MAP3K3: variants seen among roughly 807,000 people sequenced by gnomAD.
MAP3K3 encodes MAP/ERK kinase kinase 3.
Under a neutral mutation model 80.9 loss-of-function variants are expected in MAP3K3, and 12 were observed. The ratio of observed to expected loss-of-function variants is 0.15; its 90% CI spans 0.10 to 0.24. The LOEUF (loss-of-function observed/expected upper bound fraction) is 0.24, where lower values mean the gene tolerates loss of function less well. MAP3K3 is among the 10% of genes least tolerant of loss of function. The pLI is 1.00. For missense variants in MAP3K3, 596 were observed against 834.7 expected, an observed-to-expected ratio of 0.71 and a Z score of 3.52; for synonymous variants, 272 against 307.1, an observed-to-expected ratio of 0.89 and a Z score of 1.19.
chr17:63,643,693 T>G (rs1260703085), intron 2 of MAP3K3, among the ~76,000 whole-genome samples: 1 of 152,098 alleles, frequency 6.6e-6, no homozygotes, highest in Non-Finnish European at 1.5e-5. Context: ...GGTAAAAGGA[T>G]GTATAACCCT....
At chr17:63,641,794 A>T (rs1287095480) in intron 2 of MAP3K3, among the ~76,000 whole-genome samples, 2 of 152,112 alleles carry the variant, frequency 1.3e-5, no homozygotes, top group African/African-American at 4.8e-5. Flanking sequence ...AGCAGGAGAA[A>T]GCCAGAAGTC....
In MAP3K3 at chr17:63,695,954, C is replaced by T. The variant is rs1390299400; in HGVS notation, c.*2177C>T. 5 of 152,592 alleles carry T rather than the reference C, an allele frequency of 3.3e-5. No individual in the cohort carries two copies. In the South Asian group the frequency reaches 6.2e-4, roughly 19 times the overall value. 9.5% of individuals were successfully genotyped at this position (152,592 alleles called of 1,614,324 possible). Reference sequence around the variant, plus strand: ...CTAATCCAGATAAAAAGTTGTGGGGCTTCAGGGTGACCTGGGCCCAAAGGT... The same window carrying T: ...CTAATCCAGATAAAAAGTTGTGGGGTTTCAGGGTGACCTGGGCCCAAAGGT... On this transcript the variant is annotated 3_prime_UTR_variant, in exon 16 of 16. Transcript: ENST00000361733. This position sits in a 1 kb window ranked among gnomAD's most constrained non-coding sequence, Gnocchi z 4.1.
intron 12 of MAP3K3, 88 bp downstream of exon 12, chr17:63,690,500 T>A: frequency 7.1e-7 from 1 of 1,413,932 alleles, no homozygotes; most frequent in African/African-American, 1.4e-5. Flanking sequence ...TGAGATGCTG[T>A]AGGTTGCTTC....
At chr17:63,655,911 T>C (rs769069033) in intron 4 of MAP3K3, among the ~76,000 whole-genome samples, 5 of 152,108 alleles carry the variant, frequency 3.3e-5, no homozygotes, top group Non-Finnish European at 5.9e-5. Context: ...ATTCCATAAG[T>C]AGTTTTGAGA....
At chr17:63,642,150 G>A (rs1401585958) in intron 2 of MAP3K3, among the ~76,000 whole-genome samples, 4 of 152,224 alleles carry the variant, frequency 2.6e-5, no homozygotes, top group African/African-American at 9.6e-5. Context: ...GGCTGTCATG[G>A]CATCAAAGAA....
At chr17:63,685,823 A>C (rs1022186148) in intron 8 of MAP3K3, among the ~76,000 whole-genome samples, 6 of 152,230 alleles carry the variant, frequency 3.9e-5, no homozygotes, top group African/African-American at 1.4e-4. Context: ...TGTTGTTCTA[A>C]GTGCTTTACA....
At chr17:63,680,336 G>A (rs1292309040) in intron 6 of MAP3K3, among the ~76,000 whole-genome samples, 4 of 152,146 alleles carry the variant, frequency 2.6e-5, no homozygotes, top group Admixed American at 1.3e-4. Flanking sequence ...CTAAACAACA[G>A]GATAAATTTG....
At chr17:63,630,782 A>G (rs1598059541) in intron 1 of MAP3K3, among the ~76,000 whole-genome samples, 2 of 152,196 alleles carry the variant, frequency 1.3e-5, no homozygotes, top group African/African-American at 4.8e-5. Flanking sequence ...TATTACAGCT[A>G]TGTCACTCTC....
intron 5 of MAP3K3, among the ~76,000 whole-genome samples, chr17:63,664,583 T>A (rs1418159591): frequency 6.6e-6 from 1 of 152,218 alleles, no homozygotes; most frequent in African/African-American, 2.4e-5. Context: ...TGATCTCCTA[T>A]CTTCCAGTCA....
intron 6 of MAP3K3, among the ~76,000 whole-genome samples, chr17:63,677,863 T>G (rs2035250213): frequency 6.6e-6 from 1 of 152,194 alleles, no homozygotes; most frequent in Admixed American, 6.5e-5. Flanking sequence ...CATGGCACTG[T>G]GCTTCCCCTG....
chr17:63,636,587 GTGCTGGCCTGTGGCTGAACA>G lies in MAP3K3; in HGVS notation c.126+3792_126+3811del, dbSNP rs2034328636. On this transcript the variant is annotated intron_variant, in intron 2 of 15. Coordinates refer to ENST00000361733, the MANE Select transcript of MAP3K3 (RefSeq NM_002401.5). ...CTGACAACTTAGTATAGTGAAAAGA[GTGCTGGCCTGTGGCTGAACA>G]TGCTGGAGAAGAGCTTGCCTGGCCA... 5 of 173,464 alleles carry G rather than the reference GTGCTGGCCTGTGGCTGAACA, an allele frequency of 2.9e-5. No individual in the cohort carries two copies. The Admixed American group carries it at 3.2e-4, about 11-fold the overall frequency. The allele number at this position is 173,464 out of a possible 1,614,324, so 10.7% of individuals were successfully genotyped here. A position where few individuals can be genotyped will look rare whatever the true frequency, so the allele number is the denominator to read the frequency against.
chr17:63,634,734 C>A (rs773951930), intron 2 of MAP3K3: 85 of 1,613,680 alleles, frequency 5.3e-5, no homozygotes, highest in Non-Finnish European at 7.1e-5. Context: ...AGCAGCTCAG[C>A]CCTTCTGAAC....
rs1170474064 is a variant in MAP3K3 at position 63,648,999 on chromosome 17, C to CT, written c.167+2926dup. On this transcript the variant is annotated intron_variant, in intron 3 of 15. Coordinates refer to ENST00000361733, the MANE Select transcript of MAP3K3 (RefSeq NM_002401.5). ...ATAGATTATGGTTTATATTAATAGTCTATCAATGTTGCCCTGTAGAACTTT... is the reference window on the plus strand; with the variant it reads ...ATAGATTATGGTTTATATTAATAGTCTTATCAATGTTGCCCTGTAGAACTTT... 5.3e-5 allele frequency among the ~76,000 whole-genome samples: 8 copies of CT among 152,320 alleles called. 1 individual carries two copies. The East Asian group carries it at 1.2e-3, about 22-fold the overall frequency.
intron 5 of MAP3K3, among the ~76,000 whole-genome samples, chr17:63,658,482 C>T (rs1441681200): frequency 3.3e-5 from 5 of 152,188 alleles, no homozygotes; most frequent in Admixed American, 6.5e-5. Flanking sequence ...ACAGTTTCCT[C>T]TCCTGAAGGA....
chr17:63,632,554 G>A, intron 1 of MAP3K3, 127 bp from the exon 2 acceptor site: 1 of 1,043,000 alleles, frequency 9.6e-7, no homozygotes, highest in Non-Finnish European at 1.4e-6. Context: ...GGCTGCATCT[G>A]ATTATAGTTA....
chr17:63,653,450 A>T (rs1055267894), intron 4 of MAP3K3, among the ~76,000 whole-genome samples: 13 of 152,076 alleles, frequency 8.5e-5, no homozygotes, highest in Non-Finnish European at 1.3e-4. Context: ...AGGAGTTAAA[A>T]TTTTTCTTTT....
At chr17:63,623,129 C>T (rs968382617) in intron 1 of MAP3K3, among the ~76,000 whole-genome samples, 1 of 152,084 alleles carries the variant, frequency 6.6e-6, no homozygotes, top group Non-Finnish European at 1.5e-5. Flanking sequence ...GTGTGGGGCC[C>T]GGGCTGGAGG....
chr17:63,646,615 C>T (rs549643373), intron 3 of MAP3K3, among the ~76,000 whole-genome samples: 24 of 152,220 alleles, frequency 1.6e-4, no homozygotes, highest in Admixed American at 5.2e-4. Flanking sequence ...GGGAGTTTTT[C>T]GGTCTGTGTT....
intron 1 of MAP3K3, 69 bp downstream of exon 1, chr17:63,622,832 G>A: frequency 4.8e-6 from 2 of 413,434 alleles, no homozygotes; most frequent in South Asian, 3.5e-5. Flanking sequence ...GCTGAGGGAG[G>A]AGGACCCTGG....
Sources: gnomAD v4.1 joint callset for allele counts (sites outside exome capture counted in the v4.1 genomes callset) on GRCh38, gnomAD v4.1.1 for gene constraint, Gnocchi (gnomAD v3.1) non-coding constraint, MANE v1.5 for transcripts, NCBI Gene and HGNC (gene_info 2026-07-23, HGNC 2026-07-21) for gene names.